Variants in BCL11A observed in about 807,000 individuals in gnomAD.
BCL11A encodes BCL11 transcription factor A.
Under a neutral mutation model 55.9 loss-of-function variants are expected in BCL11A, and 2 were observed. That is an observed-to-expected ratio of 0.04 (90% CI 0.01 to 0.11). BCL11A has a LOEUF of 0.11. Among genes scored for constraint, BCL11A ranks in the 10% least tolerant of loss-of-function variants. The pLI is 1.00. For missense variants in BCL11A, 817 were observed against 1,137.1 expected (o/e 0.72, Z 4.05); for synonymous variants, 465 against 473.4 (o/e 0.98, Z 0.23).
intron 2 of BCL11A, among the ~76,000 whole-genome samples, chr2:60,511,362 T>A (rs1362500080): frequency 1.3e-5 from 2 of 152,152 alleles, no homozygotes; most frequent in African/African-American, 4.8e-5. Context: ...CAAGGAGAAG[T>A]CTGAATTAAA....
At chr2:60,452,789 C>G, downstream of BCL11A, 1 of 699,658 alleles carries the variant, frequency 1.4e-6, no homozygotes. Context: ...ACAGGTCGAG[C>G]CACTGGCATC....
Position 60,545,962 on chromosome 2 carries a change from C to G in BCL11A, c.385+9G>C. On this transcript the variant is annotated intron_variant, in intron 2 of 3. Coordinates refer to ENST00000642384, the MANE Select transcript of BCL11A (RefSeq NM_022893.4). ...ATGCAAACAGCTTTTCTCCTTGCTT[C>G]TCATTTACCTGCTATGTGTTCCTGT... 1 of 1,606,008 alleles carries G rather than the reference C, an allele frequency of 6.2e-7. No individual in the cohort carries two copies. Among genetic ancestry groups the G allele is most frequent in the Non-Finnish European group, 8.5e-7 (1 of 1,174,880 alleles).
intron 2 of BCL11A, among the ~76,000 whole-genome samples, chr2:60,532,433 T>C (rs1669501532): frequency 6.6e-6 from 1 of 151,892 alleles, no homozygotes; most frequent in Non-Finnish European, 1.5e-5. Flanking sequence ...CTTTTTTTGG[T>C]GGTGGTGGCG....
chr2:60,473,906 C>T (rs1236453774), intron 2 of BCL11A, among the ~76,000 whole-genome samples: 1 of 152,062 alleles, frequency 6.6e-6, no homozygotes, highest in Non-Finnish European at 1.5e-5. Flanking sequence ...TGCTTTTTTA[C>T]TGGCTGTTTT....
chr2:60,525,226 G>C (rs914004336), intron 2 of BCL11A: 1 of 152,122 alleles, frequency 6.6e-6, no homozygotes, highest in Non-Finnish European at 1.5e-5. Context: ...TTTCAAAAAC[G>C]TACTTCTATT....
chr2:60,541,745 G>A, intron 2 of BCL11A: 1 of 524,146 alleles, frequency 1.9e-6, no homozygotes, highest in East Asian at 3.3e-5. Context: ...TTGTGGTAGT[G>A]GTGTTTTTTT....
chr2:60,547,488 G>C (rs1670209381), intron 1 of BCL11A, among the ~76,000 whole-genome samples: 1 of 146,942 alleles, frequency 6.8e-6, no homozygotes, highest in Non-Finnish European at 1.5e-5. Flanking sequence ...GTCTCTGCTT[G>C]TGAAATCTTA....
At chr2:60,481,812 C>T (rs1677976753) in intron 2 of BCL11A, among the ~76,000 whole-genome samples, 2 of 152,136 alleles carry the variant, frequency 1.3e-5, no homozygotes, top group African/African-American at 2.4e-5. Context: ...AGCCTTTTGA[C>T]CATCACAGTG....
intron 1 of BCL11A, chr2:60,549,657 C>T (rs1670312316): frequency 6.6e-6 from 1 of 152,186 alleles, no homozygotes; most frequent in African/African-American, 2.4e-5. Flanking sequence ...CAGCCAGGGG[C>T]CCTGACTGCT....
intron 2 of BCL11A, among the ~76,000 whole-genome samples, chr2:60,494,002 A>T (rs1422564904): frequency 6.6e-6 from 1 of 152,086 alleles, no homozygotes; most frequent in Non-Finnish European, 1.5e-5. Flanking sequence ...AGGTACGGGG[A>T]GTGGAGGGGA....
rs1483247748 is a variant in BCL11A at position 60,461,210 on chromosome 2, C to T, written c.1702G>A (p.Glu568Lys). Residue 568 changes from glutamate (E) to lysine (K), a missense_variant, in exon 4 of 4, where the codon GAG becomes AAG. Physicochemically the swap from Glu to Lys is moderately conservative, Grantham distance 56. This residue lies in a region of BCL11A where 379 missense variants were observed against 425.3 expected (regional missense o/e 0.89). Coordinates refer to ENST00000642384, the MANE Select transcript of BCL11A (RefSeq NM_022893.4). ...FSEAFHQVLG[E>K]KHKRGHLAEA... ...GCCAGGTGGCCGCGCTTATGCTTCT[C>T]GCCCAGGACCTGGTGGAAGGCCTCG... 6.2e-7 allele frequency: 1 copy of T among 1,612,052 alleles called. No individual in the cohort carries two copies. Among genetic ancestry groups the T allele is most frequent in the East Asian group, 2.2e-5 (1 of 44,862 alleles).
At chr2:60,455,453 A>T (rs1201087893), downstream of BCL11A, among the ~76,000 whole-genome samples, 1 of 152,248 alleles carries the variant, frequency 6.6e-6, no homozygotes, top group East Asian at 1.9e-4. Context: ...TTCAGAAATA[A>T]TATTTTATCA....
chr2:60,457,290 T>C lies in BCL11A; in HGVS notation c.*3114A>G, dbSNP rs765989541. ...TGCCAAAAAAACACAGACAGTGGTT[T>C]TTCCAATAGAACTTAACAAAGACCA... On this transcript the variant is annotated 3_prime_UTR_variant, in exon 4 of 4. Transcript: ENST00000642384. 19 of 1,018,196 alleles carry C rather than the reference T, an allele frequency of 1.9e-5. No homozygotes were observed. Among genetic ancestry groups the C allele is most frequent in the Non-Finnish European group, 2.1e-5 (18 of 849,048 alleles). 63.1% of individuals were successfully genotyped at this position (1,018,196 alleles called of 1,614,324 possible).
At chr2:60,553,103 T>A in intron 1 of BCL11A, 113 bp downstream of exon 1, 1 of 1,152,672 alleles carries the variant, frequency 8.7e-7, no homozygotes, top group Non-Finnish European at 1.2e-6. Context: ...GTTTTTCTCG[T>A]GAAAAATTTA....
intron 2 of BCL11A, chr2:60,528,554 T>C (rs1332502342): frequency 1.3e-5 from 2 of 152,266 alleles, no homozygotes; most frequent in Admixed American, 1.3e-4. Flanking sequence ...ACAGAACCCA[T>C]GGGAGGGACA....
At chr2:60,451,821 C>T (rs1023958426) in exon 5 of BCL11A, 6 of 229,532 alleles carry the variant, frequency 2.6e-5, no homozygotes, top group East Asian at 6.2e-5. Context: ...CAGGATTCGG[C>T]GTGCCATATT....
At chr2:60,502,129 C>T (rs1453789833) in intron 2 of BCL11A, among the ~76,000 whole-genome samples, 1 of 152,104 alleles carries the variant, frequency 6.6e-6, no homozygotes, top group Non-Finnish European at 1.5e-5. Context: ...CATGTTGTAA[C>T]AATGCAACTC....
At chr2:60,467,110 AG>A (rs1187539560) in intron 3 of BCL11A, among the ~76,000 whole-genome samples, 3 of 72,468 alleles carry the variant, frequency 4.1e-5, no homozygotes, top group Admixed American at 1.3e-4. Context: ...TGGTGGTGGT[AG>A]TGGTGGTGGT....
At chr2:60,484,225 T>C (rs1678135425) in intron 2 of BCL11A, 1 of 152,300 alleles carries the variant, frequency 6.6e-6, no homozygotes, top group Non-Finnish European at 1.5e-5. Context: ...CACAGGAAGT[T>C]ACACGCAAGG....
Sources: gnomAD v4.1 joint callset for allele counts (sites outside exome capture counted in the v4.1 genomes callset) on GRCh38, gnomAD v4.1.1 for gene constraint, gnomAD v4.1.1 regional missense constraint, MANE v1.5 for transcripts, NCBI Gene and HGNC (gene_info 2026-07-23, HGNC 2026-07-21) for gene names.